CDH18: variants seen among roughly 807,000 people sequenced by gnomAD.
The protein encoded by CDH18 is cadherin 18, also known as cadherin-18.
In CDH18, 31 loss-of-function variants were observed where a neutral mutation model predicts 67.9. The observed-to-expected ratio is 0.46, with a 90% CI of 0.34 to 0.62. The LOEUF is 0.62. Ranked by LOEUF, CDH18 falls within the 20% of genes least tolerant of loss-of-function variation. The pLI is 0.01. For synonymous variants in CDH18, 362 were observed against 347.2 expected (o/e 1.04, Z -0.48); for missense variants, 890 against 975.5 (o/e 0.91, Z 1.17).
intron 1 of CDH18, among the ~76,000 whole-genome samples, chr5:20,416,111 G>A (rs1747286805): frequency 6.6e-6 from 1 of 152,072 alleles, no homozygotes; most frequent in Non-Finnish European, 1.5e-5. Flanking sequence ...TTTAGAAATT[G>A]TTCAGAGAGT....
At chr5:19,796,410 A>C (rs116492396) in intron 3 of CDH18, among the ~76,000 whole-genome samples, 1 of 152,152 alleles carries the variant, frequency 6.6e-6, no homozygotes, top group Admixed American at 6.6e-5. Flanking sequence ...GAGACTTAAA[A>C]AACCTGGTGC....
At chr5:19,505,372 G>A (rs941302622) in intron 10 of CDH18, among the ~76,000 whole-genome samples, 5 of 152,126 alleles carry the variant, frequency 3.3e-5, no homozygotes, top group Admixed American at 3.3e-4. Context: ...GGAGTGGTGA[G>A]AAAGGGCATC....
chr5:20,420,270 C>T (rs1747760194), intron 1 of CDH18, among the ~76,000 whole-genome samples: 1 of 151,332 alleles, frequency 6.6e-6, no homozygotes, highest in South Asian at 2.1e-4. Flanking sequence ...ATCTCAGAAG[C>T]TTCTTTACAA....
At chr5:20,161,870 A>T (rs1319526938) in intron 2 of CDH18, among the ~76,000 whole-genome samples, 1 of 152,118 alleles carries the variant, frequency 6.6e-6, no homozygotes, top group Non-Finnish European at 1.5e-5. Flanking sequence ...AATTTTTCTT[A>T]ATCAATAAGA....
chr5:20,198,875 T>C (rs1420410920), intron 2 of CDH18, among the ~76,000 whole-genome samples: 1 of 152,204 alleles, frequency 6.6e-6, no homozygotes, highest in East Asian at 1.9e-4. Context: ...GCCTGGGTTA[T>C]TGTTTCAGAG....
At chr5:20,448,581 TG>T (rs1414403920) in intron 1 of CDH18, among the ~76,000 whole-genome samples, 1 of 152,178 alleles carries the variant, frequency 6.6e-6, no homozygotes, top group African/African-American at 2.4e-5. Context: ...ATATTGCTGT[TG>T]GGATCCTGCT....
At chr5:19,905,074 G>A (rs976583237) in intron 2 of CDH18, among the ~76,000 whole-genome samples, 1 of 152,134 alleles carries the variant, frequency 6.6e-6, no homozygotes, top group Non-Finnish European at 1.5e-5. Flanking sequence ...CTTCTGAAAG[G>A]TGGGGCTAGA....
chr5:19,485,080 A>T (rs1286591045), intron 11 of CDH18, among the ~76,000 whole-genome samples: 1 of 152,208 alleles, frequency 6.6e-6, no homozygotes. Context: ...CATAATAAAA[A>T]AGCTAATTTT....
chr5:20,041,585 T>C (rs1740424856), intron 2 of CDH18, among the ~76,000 whole-genome samples: 1 of 152,200 alleles, frequency 6.6e-6, no homozygotes, highest in Non-Finnish European at 1.5e-5. Flanking sequence ...AAAACAATGT[T>C]GATAATGTCA....
At chr5:19,934,942 T>C (rs1794074857) in intron 2 of CDH18, among the ~76,000 whole-genome samples, 1 of 151,344 alleles carries the variant, frequency 6.6e-6, no homozygotes. Context: ...GATCCATACA[T>C]CATGTTTATT....
intron 3 of CDH18, among the ~76,000 whole-genome samples, chr5:19,820,640 G>A (rs2149943545): frequency 6.6e-6 from 1 of 152,332 alleles, no homozygotes; most frequent in South Asian, 2.1e-4. Flanking sequence ...CAGCCTGCCA[G>A]GGACCTGTTT....
At chr5:20,043,741 T>G (rs910362177) in intron 2 of CDH18, among the ~76,000 whole-genome samples, 1 of 152,232 alleles carries the variant, frequency 6.6e-6, no homozygotes, top group African/African-American at 2.4e-5. Flanking sequence ...GAAACTGGAA[T>G]GCATGTGGGA....
intron 8 of CDH18, among the ~76,000 whole-genome samples, chr5:19,557,376 T>C (rs1330097238): frequency 6.6e-6 from 1 of 151,996 alleles, no homozygotes; most frequent in Non-Finnish European, 1.5e-5. Context: ...CAACCAAGTA[T>C]CTGCTGTCTT....
chr5:20,169,568 A>G (rs1413472179), intron 2 of CDH18, among the ~76,000 whole-genome samples: 1 of 152,148 alleles, frequency 6.6e-6, no homozygotes, highest in African/African-American at 2.4e-5. Context: ...GTAAAAGCCA[A>G]AAGGTTTCAT....
rs56036253 is a variant in CDH18 at position 20,102,215 on chromosome 5, AGTGTGTGTGTGTGTGTGTGT to A, written c.-517-110221_-517-110202del. Among the ~76,000 whole-genome samples the A allele has an allele frequency of 1.1e-3, 163 of 148,888 alleles. 1 individual carries two copies. In the Middle Eastern group the frequency reaches 0.014, roughly 13 times the overall value. On this transcript the variant is annotated intron_variant, in intron 2 of 14. Coordinates refer to the CDH18 transcript ENST00000507958. ...TGAGATTGTATTCAGTGTTATGTGC[AGTGTGTGTGTGTGTGTGTGT>A]GTGTGTGTGTGTGTGTGTATTCACG...
At chr5:19,533,196 G>C (rs565926168) in intron 9 of CDH18, among the ~76,000 whole-genome samples, 1 of 152,320 alleles carries the variant, frequency 6.6e-6, no homozygotes, top group South Asian at 2.1e-4. Flanking sequence ...AAGAGCCAAT[G>C]AAGGATGGAG....
intron 1 of CDH18, among the ~76,000 whole-genome samples, chr5:20,441,926 C>T (rs746598873): frequency 1.3e-4 from 19 of 151,752 alleles, no homozygotes; most frequent in Non-Finnish European, 2.4e-4. Context: ...GTCTTATGTG[C>T]AATAAATAAG....
intron 2 of CDH18, among the ~76,000 whole-genome samples, chr5:19,897,771 G>T (rs1789510612): frequency 6.6e-6 from 1 of 151,820 alleles, no homozygotes; most frequent in South Asian, 2.1e-4. Context: ...CATTATGAAT[G>T]GTGCTAAATG....
chr5:20,519,502 G>A (rs1212520303), intron 1 of CDH18, among the ~76,000 whole-genome samples: 1 of 152,178 alleles, frequency 6.6e-6, no homozygotes, highest in East Asian at 1.9e-4. Context: ...GATAGCATTA[G>A]GAGATATACC....
Sources: allele counts gnomAD v4.1 joint callset (sites outside exome capture counted in the v4.1 genomes callset), GRCh38; gene constraint gnomAD v4.1.1; transcripts MANE v1.5; gene names NCBI Gene and HGNC (gene_info 2026-07-23, HGNC 2026-07-21).